The following DLC1 variants were observed in gnomAD, a reference collection of about 807,000 sequenced individuals.
DLC1 encodes rho GTPase-activating protein 7.
Under a neutral mutation model 140.3 loss-of-function variants are expected in DLC1, and 54 were observed. That is an observed-to-expected ratio of 0.38 (90% CI 0.31 to 0.48). The LOEUF (loss-of-function observed/expected upper bound fraction) is 0.48. Ranked by LOEUF, DLC1 falls within the 20% of genes least tolerant of loss-of-function variation. DLC1 has a pLI of 0.96. For missense variants in DLC1, 2,536 were observed against 1,907.0 expected, an observed-to-expected ratio of 1.33 and a Z score of -6.14; for synonymous variants, 986 against 728.1, an observed-to-expected ratio of 1.35 and a Z score of -5.70.
intron 2 of DLC1, among the ~76,000 whole-genome samples, chr8:13,459,535 T>C (rs1206221768): frequency 6.6e-6 from 1 of 152,200 alleles, no homozygotes; most frequent in Admixed American, 6.5e-5. Flanking sequence ...AAATAAGTAT[T>C]GTCTCTCTGT....
At chr8:13,461,025 C>T (rs1458140955) in intron 2 of DLC1, among the ~76,000 whole-genome samples, 1 of 152,170 alleles carries the variant, frequency 6.6e-6, no homozygotes, top group Non-Finnish European at 1.5e-5. Context: ...TGAGCCTGGG[C>T]AACAGAGCAA....
chr8:13,513,026 T>C (rs996803521), intron 1 of DLC1, among the ~76,000 whole-genome samples: 1 of 150,938 alleles, frequency 6.6e-6, no homozygotes, highest in Non-Finnish European at 1.5e-5. Context: ...AAAGCACCCT[T>C]CTACTGGACA....
intron 5 of DLC1, among the ~76,000 whole-genome samples, chr8:13,210,566 C>T (rs2117105388): frequency 6.6e-6 from 1 of 152,288 alleles, no homozygotes; most frequent in East Asian, 1.9e-4. Context: ...CTTTCAAAAA[C>T]CTTTTTATTG....
chr8:13,325,122 C>G (rs1833285434), intron 4 of DLC1, among the ~76,000 whole-genome samples: 1 of 152,058 alleles, frequency 6.6e-6, no homozygotes, highest in African/African-American at 2.4e-5. Context: ...CCTTCTGTAA[C>G]TTTTGGCAAT....
intron 5 of DLC1, among the ~76,000 whole-genome samples, chr8:13,172,863 C>G (rs539874343): frequency 2.6e-5 from 4 of 152,200 alleles, no homozygotes; most frequent in African/African-American, 9.6e-5. Context: ...ACTCTCATCC[C>G]GAGTTCCTTT....
intron 2 of DLC1, among the ~76,000 whole-genome samples, chr8:13,471,981 A>G (rs1253377650): frequency 2.6e-5 from 4 of 152,204 alleles, no homozygotes; most frequent in African/African-American, 9.6e-5. Context: ...ACACCCTTCA[A>G]AAAATTGAGG....
intron 2 of DLC1, among the ~76,000 whole-genome samples, chr8:13,493,585 T>C (rs1436461234): frequency 6.6e-6 from 1 of 152,214 alleles, no homozygotes; most frequent in Non-Finnish European, 1.5e-5. Flanking sequence ...ATCCTTCTTC[T>C]AGCTATTTGA....
At chr8:13,568,086 T>A in intron 1 of DLC1, 1 of 948,512 alleles carries the variant, frequency 1.1e-6, no homozygotes, top group Non-Finnish European at 1.5e-6. Flanking sequence ...TTTTTCCTAT[T>A]ATAGAAGGCA....
At chr8:13,466,480 C>A (rs1222246867) in intron 2 of DLC1, among the ~76,000 whole-genome samples, 1 of 152,196 alleles carries the variant, frequency 6.6e-6, no homozygotes, top group Non-Finnish European at 1.5e-5. Flanking sequence ...AGAGAACACA[C>A]GTTAGACAAG....
intron 5 of DLC1, among the ~76,000 whole-genome samples, chr8:13,180,097 G>C (rs1825954283): frequency 6.6e-6 from 1 of 152,132 alleles, no homozygotes; most frequent in Non-Finnish European, 1.5e-5. Context: ...CTTATCCAAG[G>C]GAGATGGTGT....
intron 5 of DLC1, among the ~76,000 whole-genome samples, chr8:13,239,942 C>T (rs887082419): frequency 6.6e-6 from 1 of 152,162 alleles, no homozygotes; most frequent in Non-Finnish European, 1.5e-5. Context: ...GTTCTGGTGC[C>T]AGTGATAAAC....
At chr8:13,188,843 A>ATTTTTTT (rs869162448) in intron 5 of DLC1, among the ~76,000 whole-genome samples, 3 of 30,672 alleles carry the variant, frequency 9.8e-5, no homozygotes, top group African/African-American at 2.1e-4. Context: ...ATATATATAT[A>ATTTTTTT]TTTTTTTTTT....
chr8:13,227,217 G>A (rs1316138831), intron 5 of DLC1, among the ~76,000 whole-genome samples: 2 of 152,068 alleles, frequency 1.3e-5, no homozygotes, highest in African/African-American at 4.8e-5. Flanking sequence ...AAAACAAATT[G>A]CCTTCTTCCA....
chr8:13,507,772 C>A (rs1240377051), intron 1 of DLC1, among the ~76,000 whole-genome samples: 1 of 152,040 alleles, frequency 6.6e-6, no homozygotes, highest in Non-Finnish European at 1.5e-5. Flanking sequence ...GTCTGGAAAG[C>A]ATCAAAAACT....
chr8:13,134,597 G>A (rs984450488), intron 5 of DLC1, among the ~76,000 whole-genome samples: 1 of 152,052 alleles, frequency 6.6e-6, no homozygotes, highest in East Asian at 1.9e-4. Flanking sequence ...AAACTTATTG[G>A]TTTCATAGCG....
intron 5 of DLC1, among the ~76,000 whole-genome samples, chr8:13,149,868 T>C (rs990818802): frequency 1.3e-5 from 2 of 152,210 alleles, no homozygotes; most frequent in Admixed American, 6.5e-5. Context: ...TTGCACTGGG[T>C]TGGGGAATAC....
intron 5 of DLC1, among the ~76,000 whole-genome samples, chr8:13,118,004 C>CTTTTTTTTTTTTTTTT (rs35775672): frequency 8.7e-6 from 1 of 114,978 alleles, no homozygotes; most frequent in African/African-American, 3.4e-5. Flanking sequence ...TGTTCTCTTT[C>CTTTTTTTTTTTTTTTT]TTTTTTTTTT....
intron 14 of DLC1, 92 bp downstream of exon 14, chr8:13,091,226 C>G (rs1338510453): frequency 8.1e-7 from 1 of 1,229,418 alleles, no homozygotes; most frequent in Admixed American, 2.1e-5. Context: ...TGGAAAAGGT[C>G]TTCAGGTAAG....
At chr8:13,211,504 GC>G (rs1378386123) in intron 5 of DLC1, among the ~76,000 whole-genome samples, 1 of 152,200 alleles carries the variant, frequency 6.6e-6, no homozygotes, top group Non-Finnish European at 1.5e-5. Context: ...CTGAGGCTAA[GC>G]CCCAACTTTG....
Sources: allele counts gnomAD v4.1 joint callset (sites outside exome capture counted in the v4.1 genomes callset), GRCh38; gene constraint gnomAD v4.1.1; transcripts MANE v1.5; gene names NCBI Gene and HGNC (gene_info 2026-07-23, HGNC 2026-07-21).